The following HEG1 variants were observed in gnomAD, a reference collection of about 807,000 sequenced individuals.
HEG1 encodes protein HEG homolog 1.
Under a neutral mutation model 125.6 loss-of-function variants are expected in HEG1, and 56 were observed. The ratio of observed to expected loss-of-function variants is 0.45; its 90% CI spans 0.36 to 0.56. HEG1 has a LOEUF of 0.56. Ranked by LOEUF, HEG1 falls within the 20% of genes least tolerant of loss-of-function variation. HEG1 has a pLI of 0.00. For missense variants in HEG1, 1,523 were observed against 1,670.0 expected (o/e 0.91, Z 1.53); for synonymous variants, 644 against 668.5 (o/e 0.96, Z 0.57).
chr3:124,988,192 C>T (rs1936775134), intron 14 of HEG1, among the ~76,000 whole-genome samples: 1 of 151,798 alleles, frequency 6.6e-6, no homozygotes, highest in African/African-American at 2.4e-5. Context: ...AAAGTGAACA[C>T]ACACCACTCT....
At chr3:125,036,775 T>C (rs1258690726) in intron 1 of HEG1, among the ~76,000 whole-genome samples, 6 of 152,264 alleles carry the variant, frequency 3.9e-5, no homozygotes, top group Admixed American at 2.0e-4. Context: ...ACTTTTGTAT[T>C]TTTGTGTATC....
At position 124,972,952 on chromosome 3, in the gene HEG1, T is replaced by G. The variant is rs1936471171; in HGVS notation, c.3996+779A>C. On this transcript the variant is annotated intron_variant, in intron 16 of 16. Coordinates refer to ENST00000311127, the MANE Select transcript of HEG1 (RefSeq NM_020733.2). ...CTTGTTGAGGACGACATTGAATTGT[T>G]GTTCTCTTTATACCTTTTCCCCATC... Among the ~76,000 whole-genome samples, 5 of 152,180 alleles carry G rather than the reference T, an allele frequency of 3.3e-5. No individual in the cohort carries two copies. The South Asian group carries it at 1.0e-3, about 32-fold the overall frequency.
Position 124,984,512 on chromosome 3 carries a change from G to A in HEG1, c.3733+6275C>T, listed in dbSNP as rs141417225. On this transcript the variant is annotated intron_variant, in intron 14 of 16. Coordinates refer to ENST00000311127, the MANE Select transcript of HEG1 (RefSeq NM_020733.2). Reference sequence around the variant, plus strand: ...GGTGGCTCATGCCTGTAATCCCAGCGCTTTGGGAGGCTGAGGCAGGTGGAT... The same window carrying A: ...GGTGGCTCATGCCTGTAATCCCAGCACTTTGGGAGGCTGAGGCAGGTGGAT... 2.2e-4 allele frequency among the ~76,000 whole-genome samples: 33 copies of A among 152,044 alleles called. No individual in the cohort carries two copies. In the East Asian group the frequency reaches 4.4e-3, roughly 20 times the overall value.
chr3:125,053,942 C>A (rs1431741178), intron 1 of HEG1, among the ~76,000 whole-genome samples: 1 of 152,238 alleles, frequency 6.6e-6, no homozygotes, highest in Non-Finnish European at 1.5e-5. Context: ...CCAGCCAGGG[C>A]CCCTGCAAGT....
chr3:124,993,517 C>T (rs1936865741), intron 12 of HEG1, among the ~76,000 whole-genome samples: 1 of 152,170 alleles, frequency 6.6e-6, no homozygotes. Context: ...GTGTATGCCT[C>T]TGCTTCATAC....
intron 11 of HEG1, 109 bp from the exon 12 acceptor site, chr3:124,997,932 A>C: frequency 7.9e-7 from 1 of 1,266,802 alleles, no homozygotes; most frequent in Non-Finnish European, 1.0e-6. Flanking sequence ...CTCTATTTCA[A>C]GAGGCTGAGA....
At chr3:124,991,043 G>C in intron 12 of HEG1, 57 bp from the exon 13 acceptor site, 1 of 1,383,316 alleles carries the variant, frequency 7.2e-7, no homozygotes. Flanking sequence ...CAAACTCCCA[G>C]TTAATTAAAC....
intron 12 of HEG1, among the ~76,000 whole-genome samples, chr3:124,992,672 A>G (rs541651534): frequency 3.5e-4 from 53 of 152,338 alleles, no homozygotes; most frequent in Admixed American, 1.6e-3. Flanking sequence ...CCTCATGACG[A>G]TGTGTTGAAT....
intron 1 of HEG1, among the ~76,000 whole-genome samples, chr3:125,033,505 G>A (rs1937517985): frequency 6.6e-6 from 1 of 152,120 alleles, no homozygotes; most frequent in Admixed American, 6.5e-5. Flanking sequence ...GGTTTCAAGT[G>A]AAAGAAAAAA....
Position 125,006,921 on chromosome 3 carries a change from C to T in HEG1, c.3194-1553G>A, listed in dbSNP as rs1217478450. ...CTGTATAGAAATTCACATCGCAGGC[C>T]GGGCGCGGTGGCTCACGCCTGTAAT... On this transcript the variant is annotated intron_variant, in intron 8 of 16. Transcript: ENST00000311127. 3.3e-5 allele frequency among the ~76,000 whole-genome samples: 5 copies of T among 152,116 alleles called. No individual in the cohort carries two copies. The East Asian group carries it at 7.7e-4, about 24-fold the overall frequency.
In HEG1 at chr3:124,973,740, C is replaced by A; in HGVS notation, c.3987G>T (p.Val1329=). Residue 1329 remains valine, a synonymous_variant, in exon 16 of 17, where the codon GTG becomes GTT. Coordinates refer to ENST00000311127, the MANE Select transcript of HEG1 (RefSeq NM_020733.2). ...ACACAGGAATACACACCGAGTAGTA[C>A]ACATCCGTCATCTGGAGGAGGTTTT... ...STKNLLQMTD[V]YYSPTSVRNP... is the part of the protein sequence containing the mutation. The A allele has an allele frequency of 6.2e-7, 1 of 1,613,440 alleles. No homozygotes were observed. The highest frequency in any genetic ancestry group is 2.2e-5 in the East Asian group (1 of 44,890).
chr3:124,970,981 C>CT (rs2107684880), intron 16 of HEG1, 180 bp from the exon 17 acceptor site: 7 of 642,812 alleles, frequency 1.1e-5, no homozygotes, highest in Admixed American at 5.4e-5. Context: ...GCACAACCCA[C>CT]TTTAATCCTT....
At chr3:124,993,254 G>A (rs1234804162) in intron 12 of HEG1, among the ~76,000 whole-genome samples, 4 of 152,164 alleles carry the variant, frequency 2.6e-5, no homozygotes, top group East Asian at 1.9e-4. Flanking sequence ...AAAACAGTCC[G>A]TTAATTTCCC....
intron 1 of HEG1, among the ~76,000 whole-genome samples, chr3:125,042,950 G>A (rs1937607157): frequency 6.6e-6 from 1 of 152,360 alleles, no homozygotes; most frequent in South Asian, 2.1e-4. Flanking sequence ...AGGACGTTTA[G>A]AAGCCAAATG....
At chr3:124,971,257 A>G in intron 16 of HEG1, 2 of 436,342 alleles carry the variant, frequency 4.6e-6, no homozygotes, top group Non-Finnish European at 9.2e-6. Context: ...AATAAGTTGC[A>G]GGAGAGCCCA....
In HEG1 at chr3:124,975,930, T is replaced by C. The variant is rs370150010; in HGVS notation, c.3821+1929A>G. ...CATTTTGTTTATCCATTGACAAACA[T>C]TGGTAGAGTTTTCACCTTTTGGCTA... On this transcript the variant is annotated intron_variant, in intron 15 of 16. Coordinates refer to ENST00000311127, the MANE Select transcript of HEG1 (RefSeq NM_020733.2). 2.6e-5 allele frequency among the ~76,000 whole-genome samples: 4 copies of C among 152,248 alleles called. No individual in the cohort carries two copies. The East Asian group carries it at 5.8e-4, about 22-fold the overall frequency.
At chr3:125,042,822 ACC>A (rs1937606031) in intron 1 of HEG1, among the ~76,000 whole-genome samples, 1 of 152,170 alleles carries the variant, frequency 6.6e-6, no homozygotes. Flanking sequence ...ACATGCAAGA[ACC>A]TTGGGGGCCT....
intron 14 of HEG1, among the ~76,000 whole-genome samples, chr3:124,990,234 G>C (rs1201031669): frequency 2.6e-5 from 4 of 152,112 alleles, no homozygotes; most frequent in Non-Finnish European, 5.9e-5. Context: ...GCACACAGCA[G>C]GGGTATTTAG....
intron 5 of HEG1, among the ~76,000 whole-genome samples, 182 bp downstream of exon 5, chr3:125,019,080 C>T (rs1937295726): frequency 6.6e-6 from 1 of 152,052 alleles, no homozygotes. Flanking sequence ...GTAGGTCAGT[C>T]AGGTCTTGAA....
Sources: allele counts gnomAD v4.1 joint callset (sites outside exome capture counted in the v4.1 genomes callset), GRCh38; gene constraint gnomAD v4.1.1; transcripts MANE v1.5; gene names NCBI Gene and HGNC (gene_info 2026-07-23, HGNC 2026-07-21).